TEX29: variants seen among roughly 807,000 people sequenced by gnomAD.
The protein encoded by TEX29 is testis-expressed protein 29.
Under a neutral mutation model 18.2 loss-of-function variants are expected in TEX29, and 26 were observed. The observed-to-expected ratio is 1.43, with a 90% CI of 1.04 to 1.98. TEX29 has a LOEUF of 1.98. TEX29 is among the 30% of genes most tolerant of loss of function. The probability of loss-of-function intolerance (pLI) is 0.00; values close to 1 mark genes in which losing one functional copy is unlikely to be tolerated. For synonymous variants in TEX29, 83 were observed against 78.5 expected, an observed-to-expected ratio of 1.06 and a Z score of -0.31; for missense variants, 177 against 194.2, an observed-to-expected ratio of 0.91 and a Z score of 0.53.
At chr13:111,320,575 G>A (rs1567156529), upstream of TEX29, 2 of 462,792 alleles carry the variant, frequency 4.3e-6, no homozygotes, top group East Asian at 8.2e-5. Flanking sequence ...ACGCCCACGT[G>A]ACCTCATGAG....
chr13:111,324,242 GC>G (rs1432631597), intron 2 of TEX29, among the ~76,000 whole-genome samples: 1 of 152,188 alleles, frequency 6.6e-6, no homozygotes, highest in Non-Finnish European at 1.5e-5. Context: ...GTTGGGTCTT[GC>G]TGTCCGTGGC....
intron 3 of TEX29, among the ~76,000 whole-genome samples, chr13:111,337,579 G>T (rs2093691259): frequency 6.6e-6 from 1 of 152,052 alleles, no homozygotes; most frequent in African/African-American, 2.4e-5. Flanking sequence ...GCGTTGTTCA[G>T]TGTGGGAACA....
chr13:111,339,500 AAT>A (rs1400918731), intron 3 of TEX29: 45 of 402,290 alleles, frequency 1.1e-4, no homozygotes, highest in African/African-American at 9.5e-4. Flanking sequence ...GCCGTCTCTC[AAT>A]GCACCCCCGG....
chr13:111,323,146 C>T (rs571990588), intron 2 of TEX29, among the ~76,000 whole-genome samples: 12 of 152,388 alleles, frequency 7.9e-5, no homozygotes, highest in African/African-American at 2.9e-4. Context: ...GCCTCCCCTT[C>T]CACGCAGCCC....
chr13:111,333,762 C>G (rs192368413), intron 3 of TEX29, among the ~76,000 whole-genome samples: 2 of 151,846 alleles, frequency 1.3e-5, no homozygotes, highest in Non-Finnish European at 2.9e-5. Flanking sequence ...ACATGTCTTA[C>G]GTGGCAGCAA....
chr13:111,323,663 C>T (rs1414835199), intron 2 of TEX29, among the ~76,000 whole-genome samples: 4 of 151,574 alleles, frequency 2.6e-5, no homozygotes, highest in African/African-American at 9.7e-5. Context: ...ACCCCAGATC[C>T]CCATCCGTGG....
chr13:111,326,871 A>T (rs1252445583), intron 2 of TEX29, among the ~76,000 whole-genome samples: 1 of 152,132 alleles, frequency 6.6e-6, no homozygotes, highest in African/African-American at 2.4e-5. Context: ...GCACTCCAGG[A>T]AAAAGGCCGT....
At chr13:111,325,769 T>G (rs1222496147) in intron 2 of TEX29, among the ~76,000 whole-genome samples, 1 of 152,190 alleles carries the variant, frequency 6.6e-6, no homozygotes, top group East Asian at 1.9e-4. Context: ...GGCGGTCAGA[T>G]GCGATGGGGA....
chr13:111,316,884 A>G (rs560854988), upstream of TEX29, among the ~76,000 whole-genome samples: 2 of 152,274 alleles, frequency 1.3e-5, no homozygotes, highest in Admixed American at 1.3e-4. Context: ...ATCATGGCAG[A>G]AGGGGAAGGG....
chr13:111,339,975 A>C lies in TEX29; in HGVS notation c.239+43A>C, dbSNP rs201988620. 62 of 1,552,184 alleles carry C rather than the reference A, an allele frequency of 4.0e-5. No individual in the cohort carries two copies. The African/African-American group carries it at 8.2e-4, about 21-fold the overall frequency. On this transcript the variant is annotated intron_variant, in intron 4 of 5. Coordinates refer to ENST00000283547, the MANE Select transcript of TEX29 (RefSeq NM_152324.3). The stretch of plus-strand genomic sequence containing the variant: ...TTACTGGGAGGGTGGGGAGGAGGGG[A>C]CTCACCTCTCCTGGCCGCAGCTTCC...
chr13:111,344,176 C>T lies in TEX29; in HGVS notation c.*53C>T. On this transcript the variant is annotated 3_prime_UTR_variant, in exon 6 of 6. Transcript: ENST00000283547. ...TCAGAATTATCCAAATGAAATGGTA[C>T]AGCAGGTGCACTGTTAACAGTGTGA... 2.0e-6 allele frequency: 3 copies of T among 1,473,022 alleles called. No individual in the cohort carries two copies. Among genetic ancestry groups the T allele is most frequent in the Non-Finnish European group, 2.8e-6 (3 of 1,053,420 alleles). The allele number at this position is 1,473,022 out of a possible 1,614,324, so 91.2% of individuals were successfully genotyped here. A position where few individuals can be genotyped will look rare whatever the true frequency, so the allele number is the denominator to read the frequency against.
chr13:111,342,606 C>T (rs2093698357), intron 4 of TEX29, 150 bp from the exon 5 acceptor site: 1 of 402,002 alleles, frequency 2.5e-6, no homozygotes, highest in Admixed American at 4.2e-5. Flanking sequence ...AAAATGAGAA[C>T]TATTACATCA....
rs182063580 is a variant in TEX29, at chr13:111,330,031, G to T, written c.169+1738G>T. Among the ~76,000 whole-genome samples the T allele has an allele frequency of 8.5e-3, 1,277 of 150,870 alleles. 14 individuals are homozygous for T. The highest frequency in any genetic ancestry group is 0.013 in the Admixed American group (204 of 15,280). On this transcript the variant is annotated intron_variant, in intron 3 of 5. Coordinates refer to ENST00000283547, the MANE Select transcript of TEX29 (RefSeq NM_152324.3). ...GAAAGGGAGACCATGGTGTTGCAAA[G>T]AAAGTACATTTCAAGGCTATATTTT... is the stretch of plus-strand genomic sequence containing the variant.
At chr13:111,332,514 C>CT (rs1433014233) in intron 3 of TEX29, among the ~76,000 whole-genome samples, 1 of 151,682 alleles carries the variant, frequency 6.6e-6, no homozygotes, top group African/African-American at 2.4e-5. Context: ...ATCTGAATGC[C>CT]TTTTAGTTCA....
At chr13:111,318,008 C>A (rs1054833859), upstream of TEX29, among the ~76,000 whole-genome samples, 2 of 152,192 alleles carry the variant, frequency 1.3e-5, no homozygotes, top group Non-Finnish European at 2.9e-5. Flanking sequence ...TCCAAATAAG[C>A]CCTCATCCTT....
upstream of TEX29, among the ~76,000 whole-genome samples, chr13:111,317,799 C>T (rs559764238): frequency 2.6e-5 from 4 of 152,294 alleles, no homozygotes; most frequent in South Asian, 8.3e-4. Flanking sequence ...TGGCAGTCCT[C>T]CGTGTTCCGG....
chr13:111,322,045 C>T (rs1248669505), intron 2 of TEX29, among the ~76,000 whole-genome samples: 1 of 151,654 alleles, frequency 6.6e-6, no homozygotes, highest in East Asian at 1.9e-4. Context: ...TGCTGGCAGC[C>T]ACTGAGCACC....
At chr13:111,324,370 A>C (rs1436505234) in intron 2 of TEX29, among the ~76,000 whole-genome samples, 5 of 152,226 alleles carry the variant, frequency 3.3e-5, no homozygotes, top group Non-Finnish European at 2.9e-5. Context: ...AGCTCCCAGC[A>C]GGGAAGCTGA....
At chr13:111,321,480 A>G (rs765811544) in intron 2 of TEX29, among the ~76,000 whole-genome samples, 1 of 152,198 alleles carries the variant, frequency 6.6e-6, no homozygotes, top group Non-Finnish European at 1.5e-5. Flanking sequence ...ATGGTCAGGA[A>G]AAGGAAGATT....
Sources: allele counts gnomAD v4.1 joint callset (sites outside exome capture counted in the v4.1 genomes callset), GRCh38; gene constraint gnomAD v4.1.1; transcripts MANE v1.5; gene names NCBI Gene and HGNC (gene_info 2026-07-23, HGNC 2026-07-21).